The following RNF150 variants were observed in gnomAD, a reference collection of about 807,000 sequenced individuals.
RNF150 encodes ring finger protein 150.
RNF150 carries 24 observed loss-of-function variants against 39.3 expected under a neutral mutation model. The ratio of observed to expected loss-of-function variants is 0.61; its 90% CI spans 0.44 to 0.86. RNF150 has a LOEUF of 0.86. Among genes scored for constraint, RNF150 ranks in the 40% least tolerant of loss-of-function variants. The probability of loss-of-function intolerance (pLI) is 0.00; values close to 1 mark genes in which losing one functional copy is unlikely to be tolerated. For synonymous variants in RNF150, 255 were observed against 227.3 expected (o/e 1.12, Z -1.10); for missense variants, 502 against 587.8 (o/e 0.85, Z 1.51).
At chr4:141,074,874 C>T (rs1031228931) in intron 1 of RNF150, among the ~76,000 whole-genome samples, 4 of 152,232 alleles carry the variant, frequency 2.6e-5, no homozygotes, top group African/African-American at 9.7e-5. Flanking sequence ...ACCTCTTGCA[C>T]TGACCTTGCA....
intron 1 of RNF150, among the ~76,000 whole-genome samples, chr4:141,051,347 A>G (rs2367345): frequency 0.65 from 98,380 of 152,128 alleles, 33,687 homozygotes; most frequent in Non-Finnish European, 0.77. Flanking sequence ...TTACTTATGC[A>G]AATTTTTGCA....
At chr4:140,971,619 T>C (rs1314498051) in intron 1 of RNF150, among the ~76,000 whole-genome samples, 1 of 152,142 alleles carries the variant, frequency 6.6e-6, no homozygotes, top group Non-Finnish European at 1.5e-5. Flanking sequence ...CCAGGACACA[T>C]ATGACCTGGC....
In RNF150 at chr4:141,139,815, G is replaced by C. The variant is rs902893073; in HGVS notation, c.-6+72979C>G. On this transcript the variant is annotated intron_variant, in intron 1 of 7. Transcript: ENST00000420921. ...CCATGCAGGTAGCAAGTATAAGAGTGGGGGTTGTAATCCTGGAAGTCTGAC... is the reference window on the plus strand; with the variant it reads ...CCATGCAGGTAGCAAGTATAAGAGTCGGGGTTGTAATCCTGGAAGTCTGAC... 2.0e-5 allele frequency among the ~76,000 whole-genome samples: 3 copies of C among 152,172 alleles called. No individual in the cohort carries two copies. The South Asian group carries it at 6.2e-4, about 32-fold the overall frequency.
chr4:141,159,740 G>A (rs1233300556), intron 1 of RNF150, among the ~76,000 whole-genome samples: 13 of 152,054 alleles, frequency 8.5e-5, no homozygotes, highest in East Asian at 1.9e-4. Flanking sequence ...GCAGGGTTTC[G>A]TCATGTTTGC....
intron 5 of RNF150, among the ~76,000 whole-genome samples, chr4:140,915,790 AC>A (rs1730797885): frequency 1.3e-5 from 2 of 151,990 alleles, no homozygotes; most frequent in Non-Finnish European, 2.9e-5. Context: ...AATGGGAGGC[AC>A]CCCCCAGTAG....
chr4:141,115,431 AC>A (rs1301919129), intron 1 of RNF150, among the ~76,000 whole-genome samples: 1 of 152,210 alleles, frequency 6.6e-6, no homozygotes, highest in Non-Finnish European at 1.5e-5. Flanking sequence ...AATACAACTT[AC>A]AAGGGATGTG....
At chr4:141,038,124 T>C (rs1235166887) in intron 1 of RNF150, among the ~76,000 whole-genome samples, 1 of 152,142 alleles carries the variant, frequency 6.6e-6, no homozygotes, top group Non-Finnish European at 1.5e-5. Context: ...CCTATGTACA[T>C]GTGTACCCCT....
In RNF150 at chr4:140,940,312, C is replaced by T. The variant is rs114677627; in HGVS notation, c.890+7342G>A. 4.9e-3 allele frequency among the ~76,000 whole-genome samples: 749 copies of T among 152,144 alleles called. 4 individuals are homozygous for T. The highest frequency in any genetic ancestry group is 0.016 in the African/African-American group (683 of 41,516). On this transcript the variant is annotated intron_variant, in intron 4 of 6. Coordinates refer to ENST00000515673, the MANE Select transcript of RNF150 (RefSeq NM_020724.2). ...CAATTTAACTTTATAATCTTAGAAA[C>T]AAGGAATTAATCTAAAATGTGAAAT...
In RNF150 at chr4:141,078,646, C is replaced by T. The variant is rs1048586846; in HGVS notation, c.484+53679G>A. ...AATACAAACAAAAAAAAAAATTAGC[C>T]GGGCGCGGTGGCAGGCACCTGTAGT... On this transcript the variant is annotated intron_variant, in intron 1 of 6. Transcript: ENST00000515673. Among the ~76,000 whole-genome samples the T allele has an allele frequency of 2.2e-4, 33 of 150,988 alleles. No individual in the cohort carries two copies. In the East Asian group the frequency reaches 5.7e-3, roughly 26 times the overall value.
chr4:141,040,644 G>T (rs945922936), intron 1 of RNF150, among the ~76,000 whole-genome samples: 6 of 152,012 alleles, frequency 3.9e-5, no homozygotes, highest in Non-Finnish European at 7.4e-5. Flanking sequence ...GGCATAAACT[G>T]GGACAGTCCT....
chr4:140,882,430 T>G (rs1193628614), intron 6 of RNF150, among the ~76,000 whole-genome samples: 2 of 152,182 alleles, frequency 1.3e-5, no homozygotes, highest in African/African-American at 4.8e-5. Context: ...GTGTCCTGTA[T>G]ATGTCTGTTT....
At chr4:141,186,858 T>C (rs938532332) in intron 1 of RNF150, among the ~76,000 whole-genome samples, 1 of 152,196 alleles carries the variant, frequency 6.6e-6, no homozygotes, top group Non-Finnish European at 1.5e-5. Flanking sequence ...TCTCCTTCAG[T>C]TCTGTTCTGA....
rs542801625 is a variant in RNF150 at position 140,891,968 on chromosome 4, G to A, written c.1198+19176C>T. Among the ~76,000 whole-genome samples the A allele has an allele frequency of 1.5e-4, 23 of 152,190 alleles. No homozygotes were observed. In the South Asian group the frequency reaches 4.6e-3, roughly 30 times the overall value. ...ACAGTTTCATCCCGAAAGCACCACC[G>A]TCCCCCCAACCACCTCTCTTGTGGA... is the stretch of plus-strand genomic sequence containing the variant. On this transcript the variant is annotated intron_variant, in intron 6 of 6. Coordinates refer to ENST00000515673, the MANE Select transcript of RNF150 (RefSeq NM_020724.2).
intron 4 of RNF150, among the ~76,000 whole-genome samples, chr4:140,944,092 C>T (rs991021394): frequency 1.3e-5 from 2 of 152,070 alleles, no homozygotes; most frequent in African/African-American, 4.8e-5. Flanking sequence ...CCCTGAAGAA[C>T]AGTAGGGACA....
At chr4:140,980,391 T>C (rs1480961452) in intron 1 of RNF150, among the ~76,000 whole-genome samples, 1 of 152,054 alleles carries the variant, frequency 6.6e-6, no homozygotes, top group East Asian at 1.9e-4. Context: ...AGAATTACAA[T>C]TAAAAAACAA....
intron 1 of RNF150, among the ~76,000 whole-genome samples, chr4:141,119,420 G>A (rs1726543230): frequency 6.6e-6 from 1 of 152,184 alleles, no homozygotes; most frequent in South Asian, 2.1e-4. Context: ...GGCCCCTTGA[G>A]GCATCTGGTC....
Position 141,132,546 on chromosome 4 carries a change from C to A in RNF150, c.263G>T (p.Gly88Val). ...GEHSPKQDAR[G>V]EVVMASSAHD... ...GGCCGAGCTGGCCATGACCACCTCCCCGCGGGCGTCCTGCTTGGGCGAGTG... is the reference window on the plus strand; with the variant it reads ...GGCCGAGCTGGCCATGACCACCTCCACGCGGGCGTCCTGCTTGGGCGAGTG... Residue 88 changes from glycine (G) to valine (V), a missense_variant, in exon 1 of 7, where the codon GGG (glycine) becomes GTG (valine). Gly to Val is a moderately radical substitution (Grantham distance 109). Transcript: ENST00000515673. This position sits in a 1 kb window ranked among gnomAD's most constrained non-coding sequence, Gnocchi z 4.9. 6.3e-7 allele frequency: 1 copy of A among 1,595,540 alleles called. No homozygotes were observed. The highest frequency in any genetic ancestry group is 2.3e-5 in the East Asian group (1 of 43,880).
chr4:141,014,897 A>G (rs1430289066), intron 1 of RNF150, among the ~76,000 whole-genome samples: 5 of 151,772 alleles, frequency 3.3e-5, no homozygotes, highest in African/African-American at 9.7e-5. Flanking sequence ...CATTGCCTAG[A>G]CCAATGTCAT....
intron 6 of RNF150, among the ~76,000 whole-genome samples, chr4:140,870,998 C>A (rs1216924175): frequency 2.3e-4 from 33 of 143,606 alleles, no homozygotes; most frequent in African/African-American, 7.4e-4. Flanking sequence ...CTCTCTCTCT[C>A]TCTCTATATA....
Sources: allele counts gnomAD v4.1 joint callset (sites outside exome capture counted in the v4.1 genomes callset), GRCh38; gene constraint gnomAD v4.1.1; non-coding constraint Gnocchi (gnomAD v3.1); transcripts MANE v1.5; gene names NCBI Gene and HGNC (gene_info 2026-07-23, HGNC 2026-07-21).